TOPAZ1: variants seen among roughly 807,000 people sequenced by gnomAD.
The protein encoded by TOPAZ1 is testis and ovary specific TOPAZ 1.
In TOPAZ1, 66 loss-of-function variants were observed where a neutral mutation model predicts 172.2. That is an observed-to-expected ratio of 0.38 (90% CI 0.31 to 0.47). The LOEUF (loss-of-function observed/expected upper bound fraction) is 0.47, where lower values mean the gene tolerates loss of function less well. Among genes scored for constraint, TOPAZ1 ranks in the 20% least tolerant of loss-of-function variants. The pLI is 0.99. For missense variants in TOPAZ1, 1,822 were observed against 1,972.4 expected (o/e 0.92, Z 1.44); for synonymous variants, 681 against 683.9 (o/e 1.00, Z 0.07).
At chr3:44,262,397 T>C (rs1699784730) in intron 4 of TOPAZ1, 22 bp from the exon 5 acceptor site, 2 of 1,354,240 alleles carry the variant, frequency 1.5e-6, no homozygotes, top group Non-Finnish European at 1.0e-6. Flanking sequence ...CTTGTACTTA[T>C]TTAACCATAA....
At chr3:44,251,014 G>C (rs779836002) in intron 2 of TOPAZ1, among the ~76,000 whole-genome samples, 3 of 152,146 alleles carry the variant, frequency 2.0e-5, no homozygotes, top group Non-Finnish European at 4.4e-5. Flanking sequence ...CAGTAAATTT[G>C]TAGCAGTCCT....
chr3:44,298,925 T>G (rs1314973925), intron 12 of TOPAZ1, among the ~76,000 whole-genome samples: 33 of 49,848 alleles, frequency 6.6e-4, no homozygotes, highest in African/African-American at 2.2e-3. Flanking sequence ...TTTTTTTTTT[T>G]TTTTTTTTTC....
chr3:44,267,012 T>C lies in TOPAZ1; in HGVS notation c.3036T>C (p.Asn1012=), dbSNP rs1160052073. The C allele has an allele frequency of 6.5e-7, 1 of 1,540,606 alleles. No homozygotes were observed. Among genetic ancestry groups the C allele is most frequent in the Non-Finnish European group, 8.7e-7 (1 of 1,143,442 alleles). ...YEVCKSKDSR[N]ADFMVGECQF... ...TTTCACACAGCAAAGATTCTAGAAA[T>C]GCAGACTTTATGGTCGGCGAATGTC... Residue 1012 remains asparagine (N), a synonymous_variant, in exon 6 of 20, where the codon AAT becomes AAC. Coordinates refer to ENST00000309765, the MANE Select transcript of TOPAZ1 (RefSeq NM_001145030.2).
Position 44,242,063 on chromosome 3 carries a change from C to T in TOPAZ1, c.10C>T (p.Pro4Ser), listed in dbSNP as rs1288105665. Residue 4 changes from proline (P) to serine (S), a missense_variant, in exon 1 of 20, where the codon CCT becomes TCT. Pro to Ser is a moderately conservative substitution (Grantham distance 74). Around this residue, in one of 2 missense-constraint regions of TOPAZ1, gnomAD observed 1,489 missense variants for 1,490.8 expected, o/e 1.00. Coordinates refer to ENST00000309765, the MANE Select transcript of TOPAZ1 (RefSeq NM_001145030.2). Reference sequence around the variant, plus strand: ...GCCGGCCCCGGGGCACATGCGACGACCTCCACCCCTGGGCCCCACGACGGC... The same window carrying T: ...GCCGGCCCCGGGGCACATGCGACGATCTCCACCCCTGGGCCCCACGACGGC... MRRPPPLGPTTASG... is the reference protein window; with the variant it reads MRRSPPLGPTTASG... The T allele has an allele frequency of 1.9e-6, 3 of 1,544,864 alleles. No individual in the cohort carries two copies. Among genetic ancestry groups the T allele is most frequent in the African/African-American group, 1.4e-5 (1 of 72,930 alleles).
Position 44,255,704 on chromosome 3 carries a change from CACACACACACACACACAT to C in TOPAZ1, c.2828-445_2828-428del, listed in dbSNP as rs1335758662. On this transcript the variant is annotated intron_variant, in intron 3 of 19. Transcript: ENST00000309765. Reference sequence around the variant, plus strand: ...ACACACACACACACACACACACACACACACACACACACACACATATATATATGGTTAACAGCTAGTCAA... The same window carrying C: ...ACACACACACACACACACACACACACATATATATGGTTAACAGCTAGTCAA... 5.1e-4 allele frequency among the ~76,000 whole-genome samples: 60 copies of C among 117,300 alleles called. 3 individuals carry two copies. The highest frequency in any genetic ancestry group is 7.5e-4 in the East Asian group (3 of 3,996). 77.0% of individuals were successfully genotyped at this position (117,300 alleles called of 152,430 possible).
At chr3:44,318,184 A>C (rs1700471100) in intron 16 of TOPAZ1, among the ~76,000 whole-genome samples, 1 of 152,116 alleles carries the variant, frequency 6.6e-6, no homozygotes, top group East Asian at 1.9e-4. Flanking sequence ...ATGGTGGCTC[A>C]CGCCTGTAAT....
In TOPAZ1 at chr3:44,266,984, T is replaced by C; in HGVS notation, c.3021-13T>C. The stretch of plus-strand genomic sequence containing the variant: ...ACATTTAAATTCTGATGTTAATTTT[T>C]CCTTTCACACAGCAAAGATTCTAGA... On this transcript the variant is annotated splice_polypyrimidine_tract_variant and intron_variant, in intron 5 of 19. Coordinates refer to ENST00000309765, the MANE Select transcript of TOPAZ1 (RefSeq NM_001145030.2). The C allele has an allele frequency of 6.6e-7, 1 of 1,516,646 alleles. No homozygotes were observed. Among genetic ancestry groups the C allele is most frequent in the Non-Finnish European group, 8.8e-7 (1 of 1,130,882 alleles). The allele number at this position is 1,516,646 out of a possible 1,614,324, so 93.9% of individuals were successfully genotyped here. A position where few individuals can be genotyped will look rare whatever the true frequency, so the allele number is the denominator to read the frequency against.
intron 18 of TOPAZ1, among the ~76,000 whole-genome samples, chr3:44,324,155 G>A (rs1700572188): frequency 6.6e-6 from 1 of 152,148 alleles, no homozygotes; most frequent in Non-Finnish European, 1.5e-5. Flanking sequence ...GTACATTACA[G>A]GTAGTAAGTT....
At position 44,272,624 on chromosome 3, in the gene TOPAZ1, C is replaced by T. The variant is rs540891747; in HGVS notation, c.3372+1814C>T. On this transcript the variant is annotated intron_variant, in intron 8 of 19. Coordinates refer to ENST00000309765, the MANE Select transcript of TOPAZ1 (RefSeq NM_001145030.2). ...TTGCCCAGGCTGGAGTACAGTGGCA[C>T]GATCTTGGCTCACTGCAGCCTCCAC... is the stretch of plus-strand genomic sequence containing the variant. Among the ~76,000 whole-genome samples the T allele has an allele frequency of 3.9e-5, 6 of 152,212 alleles. No individual in the cohort carries two copies. The East Asian group carries it at 5.8e-4, about 15-fold the overall frequency.
chr3:44,276,621 G>GTTTTTTTTTTTTT (rs1699960637), intron 8 of TOPAZ1, among the ~76,000 whole-genome samples: 1 of 26,556 alleles, frequency 3.8e-5, no homozygotes, highest in Non-Finnish European at 7.0e-5. Context: ...CTCCAGCTTT[G>GTTTTTTTTTTTTT]TTCTTTTTTT....
chr3:44,250,304 T>C lies in TOPAZ1; in HGVS notation c.2766-4664T>C, dbSNP rs377507455. ...TAAAAATCATTTTTTCTCTCCCTTATATATTGAGATTCATTGTCTTTTAAG... is the reference window on the plus strand; with the variant it reads ...TAAAAATCATTTTTTCTCTCCCTTACATATTGAGATTCATTGTCTTTTAAG... On this transcript the variant is annotated intron_variant, in intron 2 of 19. Transcript: ENST00000309765. 2.6e-5 allele frequency among the ~76,000 whole-genome samples: 4 copies of C among 151,510 alleles called. No homozygotes were observed. The East Asian group carries it at 7.7e-4, about 29-fold the overall frequency.
chr3:44,285,252 C>T (rs751254138), intron 9 of TOPAZ1, among the ~76,000 whole-genome samples: 9 of 152,036 alleles, frequency 5.9e-5, no homozygotes, highest in South Asian at 4.1e-4. Flanking sequence ...TGCTTGAGCC[C>T]AGGAGTTTAG....
Position 44,323,084 on chromosome 3 carries a change from T to A in TOPAZ1, c.4472-8T>A, listed in dbSNP as rs1312141316. On this transcript the variant is annotated splice_polypyrimidine_tract_variant and splice_region_variant and intron_variant, in intron 17 of 19. Transcript: ENST00000309765. ...ATGAATTTTATTATATCATTTTTTT[T>A]ATTCCAGAAACTGTGGAAGTCTCAC... The A allele has an allele frequency of 2.0e-6, 3 of 1,496,548 alleles. No individual in the cohort carries two copies. Among genetic ancestry groups the A allele is most frequent in the East Asian group, 2.5e-5 (1 of 40,332 alleles). The allele number at this position is 1,496,548 out of a possible 1,614,324, so 92.7% of individuals were successfully genotyped here.
chr3:44,319,377 C>A (rs532140381), intron 16 of TOPAZ1, among the ~76,000 whole-genome samples: 2 of 151,920 alleles, frequency 1.3e-5, no homozygotes, highest in Non-Finnish European at 2.9e-5. Context: ...AAAAATGTGA[C>A]CATTACCCTA....
At chr3:44,259,412 G>A (rs986918850) in intron 4 of TOPAZ1, among the ~76,000 whole-genome samples, 16 of 152,182 alleles carry the variant, frequency 1.1e-4, no homozygotes, top group Admixed American at 3.9e-4. Flanking sequence ...CATCCAGATG[G>A]TAGCGTACTG....
intron 8 of TOPAZ1, among the ~76,000 whole-genome samples, chr3:44,279,327 A>G (rs116252553): frequency 2.5e-3 from 380 of 152,294 alleles, no homozygotes; most frequent in African/African-American, 8.7e-3. Flanking sequence ...AATGTCTGTT[A>G]GGTCCTTTGA....
At chr3:44,301,389 G>T (rs1700270750) in intron 12 of TOPAZ1, among the ~76,000 whole-genome samples, 1 of 152,086 alleles carries the variant, frequency 6.6e-6, no homozygotes, top group Non-Finnish European at 1.5e-5. Context: ...AAATTGTGAA[G>T]ATAAGTATAT....
intron 4 of TOPAZ1, among the ~76,000 whole-genome samples, chr3:44,257,210 C>T (rs1699715213): frequency 6.6e-6 from 1 of 151,736 alleles, no homozygotes; most frequent in African/African-American, 2.4e-5. Context: ...TGGCATCCAC[C>T]TGTAGTCCCA....
chr3:44,309,943 T>G lies in TOPAZ1; in HGVS notation c.4259T>G (p.Ile1420Ser). The G allele has an allele frequency of 2.6e-6, 4 of 1,551,582 alleles. No homozygotes were observed. Among genetic ancestry groups the G allele is most frequent in the Non-Finnish European group, 3.5e-6 (4 of 1,146,952 alleles). The change falls in exon 16 of 20, where the codon ATT (isoleucine) becomes AGT (serine). Residue 1420 changes from isoleucine to serine, a missense_variant. By Grantham distance (142) the Ile-to-Ser change is moderately radical. Around this residue, in one of 2 missense-constraint regions of TOPAZ1, gnomAD observed 333 missense variants for 481.7 expected, o/e 0.69. Coordinates refer to ENST00000309765, the MANE Select transcript of TOPAZ1 (RefSeq NM_001145030.2). ...CAAATTGTGAATGTTGCAGCAGAAA[T>G]TTTTCTAAAAAGTGGAAGCCTAGAT... Reference protein sequence around the residue: ...RCQIVNVAAEIFLKSGSLDGA... With the variant: ...RCQIVNVAAESFLKSGSLDGA...
Sources: gnomAD v4.1 joint callset for allele counts (sites outside exome capture counted in the v4.1 genomes callset) on GRCh38, gnomAD v4.1.1 for gene constraint, gnomAD v4.1.1 regional missense constraint, MANE v1.5 for transcripts, NCBI Gene and HGNC (gene_info 2026-07-23, HGNC 2026-07-21) for gene names.